FAM151A: variants seen among roughly 807,000 people sequenced by gnomAD.
FAM151A encodes the protein family with sequence similarity 151 member A.
FAM151A carries 41 observed loss-of-function variants against 40.4 expected under a neutral mutation model. The ratio of observed to expected loss-of-function variants is 1.01; its 90% CI spans 0.79 to 1.32. The LOEUF (loss-of-function observed/expected upper bound fraction) is 1.32, where lower values mean the gene tolerates loss of function less well. Among genes scored for constraint, FAM151A ranks in the 40% most tolerant of loss-of-function variants. FAM151A has a pLI of 0.00. For missense variants in FAM151A, 740 were observed against 740.4 expected, an observed-to-expected ratio of 1.00 and a Z score of 0.01; for synonymous variants, 337 against 312.5, an observed-to-expected ratio of 1.08 and a Z score of -0.83.
intron 1 of FAM151A, among the ~76,000 whole-genome samples, chr1:54,622,172 A>G (rs1644236101): frequency 1.4e-5 from 2 of 145,080 alleles, no homozygotes; most frequent in African/African-American, 5.1e-5. Flanking sequence ...GCTACTTGGG[A>G]GGCTGAGGTG....
intron 3 of FAM151A, among the ~76,000 whole-genome samples, chr1:54,615,094 G>A (rs77314204): frequency 6.6e-6 from 1 of 152,110 alleles, no homozygotes; most frequent in Non-Finnish European, 1.5e-5. Context: ...CATCTCCTGC[G>A]GGGAGGAAAC....
Position 54,609,319 on chromosome 1 carries a change from C to G in FAM151A, c.1707G>C (p.Arg569Ser), listed in dbSNP as rs1557667658. ...RAVDRTRVYYRLPQGYHKDLL... is the reference protein window; with the variant it reads ...RAVDRTRVYYSLPQGYHKDLL... ...AGTCCTTGTGGTAGCCCTGGGGTAGCCTGTAGTAGACTCGGGTCCTGTCCA... is the reference window on the plus strand; with the variant it reads ...AGTCCTTGTGGTAGCCCTGGGGTAGGCTGTAGTAGACTCGGGTCCTGTCCA... The change falls in exon 8 of 8, where the codon AGG becomes AGC. Residue 569 changes from arginine (R) to serine (S), a missense_variant. By Grantham distance (110) the Arg-to-Ser change is moderately radical. Coordinates refer to ENST00000302250, the MANE Select transcript of FAM151A (RefSeq NM_176782.3). The G allele has an allele frequency of 6.2e-7, 1 of 1,613,170 alleles. No individual in the cohort carries two copies.
chr1:54,612,991 C>A (rs1644135051), intron 4 of FAM151A, among the ~76,000 whole-genome samples: 1 of 128,694 alleles, frequency 7.8e-6, no homozygotes, highest in Non-Finnish European at 1.6e-5. Context: ...CTTAAACATC[C>A]TCATATAGAC....
At chr1:54,610,034 G>T in intron 7 of FAM151A, 93 bp from the exon 8 acceptor site, 1 of 1,473,602 alleles carries the variant, frequency 6.8e-7, no homozygotes, top group Non-Finnish European at 9.0e-7. Context: ...GAGTTATGGG[G>T]TCATCAAGGA....
chr1:54,619,908 T>C lies in FAM151A; in HGVS notation c.218A>G (p.Tyr73Cys), dbSNP rs762887417. The change falls in exon 2 of 8, where the codon TAC becomes TGC. Residue 73 changes from tyrosine (Y) to cysteine (C), a missense_variant. By Grantham distance (194) the Tyr-to-Cys change is radical. Coordinates refer to ENST00000302250, the MANE Select transcript of FAM151A (RefSeq NM_176782.3). The part of the protein sequence containing the change: ...SRRDALEVTW[Y>C]HAANSKKAMT... ...GGCTTTCTTGCTGTTGGCTGCGTGGTACCAGGTGACCTCCAAGGCATCTCG... is the reference window on the plus strand; with the variant it reads ...GGCTTTCTTGCTGTTGGCTGCGTGGCACCAGGTGACCTCCAAGGCATCTCG... The C allele has an allele frequency of 2.5e-6, 4 of 1,614,188 alleles. No homozygotes were observed. Among genetic ancestry groups the C allele is most frequent in the Admixed American group, 1.7e-5 (1 of 60,020 alleles).
chr1:54,617,055 G>C (rs1464721212), intron 2 of FAM151A, among the ~76,000 whole-genome samples: 1 of 152,202 alleles, frequency 6.6e-6, no homozygotes, highest in African/African-American at 2.4e-5. Flanking sequence ...CGGAAAAGTT[G>C]TTCTGATTCT....
chr1:54,614,750 G>A lies in FAM151A; in HGVS notation c.525C>T (p.Asp175=). Residue 175 remains aspartate (D), a synonymous_variant, in exon 4 of 8, where the codon GAC becomes GAT. Transcript: ENST00000302250. The stretch of plus-strand genomic sequence containing the variant: ...TGAGCATGTTGGGGCCCTTTAAGAT[G>A]TCAGCGTTGATCCATATGGGCCGCC... ...KVRRPIWINA[D]ILKGPNMLIS... The A allele has an allele frequency of 6.2e-7, 1 of 1,614,094 alleles. No individual in the cohort carries two copies. Among genetic ancestry groups the A allele is most frequent in the Non-Finnish European group, 8.5e-7 (1 of 1,179,996 alleles).
In FAM151A at chr1:54,612,537, A is replaced by G. The variant is rs368152719; in HGVS notation, c.749T>C (p.Met250Thr). 1.8e-4 allele frequency: 296 copies of G among 1,613,930 alleles called. No homozygotes were observed. Among genetic ancestry groups the G allele is most frequent in the Non-Finnish European group, 2.3e-4 (274 of 1,180,020 alleles). ...QRVTFPVRSSMVRAAWPHFSW... is the reference protein window; with the variant it reads ...QRVTFPVRSSTVRAAWPHFSW... ...GAAGTGGGGCCAGGCAGCCCGCACC[A>G]TGGAAGACCGTACAGGGAAGGTGAC... Residue 250 changes from methionine to threonine, a missense_variant, in exon 5 of 8, where the codon ATG becomes ACG. Coordinates refer to ENST00000302250, the MANE Select transcript of FAM151A (RefSeq NM_176782.3).
chr1:54,617,875 C>G (rs1644190308), intron 2 of FAM151A, among the ~76,000 whole-genome samples: 1 of 151,684 alleles, frequency 6.6e-6, no homozygotes. Context: ...AGGTATGCAC[C>G]ACCACCATGC....
chr1:54,616,400 A>G (rs535626794), intron 2 of FAM151A, among the ~76,000 whole-genome samples: 8 of 150,248 alleles, frequency 5.3e-5, no homozygotes, highest in Middle Eastern at 3.4e-3. Context: ...GTCTTGCTCT[A>G]TCGCCCAGGC....
intron 3 of FAM151A, 101 bp downstream of exon 3, chr1:54,615,919 C>T (rs1644167868): frequency 6.4e-6 from 8 of 1,243,130 alleles, no homozygotes; most frequent in Admixed American, 2.0e-5. Flanking sequence ...ATGAGCACCT[C>T]GTGTCAGGGC....
intron 1 of FAM151A, among the ~76,000 whole-genome samples, chr1:54,621,976 A>G (rs1363669145): frequency 6.6e-6 from 1 of 152,002 alleles, no homozygotes; most frequent in Non-Finnish European, 1.5e-5. Context: ...GTGAAGTAGT[A>G]AAAAAAGTTA....
chr1:54,609,268 T>C lies in FAM151A; in HGVS notation c.1758A>G (p.Ter586TrpextTer?). The change falls in exon 8 of 8, where the codon TGA (stop) becomes TGG (tryptophan). Residue 586 changes from the stop codon to tryptophan (W), a stop_lost. Transcript: ENST00000302250. ...KDLLAHVGRN[*>W] ...CCGCTGGCCCACCACCCCTGGGTGC[T>C]CAGTTTCTACCAACATGAGCCAGCA... The C allele has an allele frequency of 6.2e-7, 1 of 1,601,680 alleles. No individual in the cohort carries two copies. The highest frequency in any genetic ancestry group is 8.5e-7 in the Non-Finnish European group (1 of 1,171,628).
rs1329821640 is a variant in FAM151A at position 54,609,858 on chromosome 1, C to T, written c.1168G>A (p.Gly390Ser). Residue 390 changes from glycine (G) to serine (S), a missense_variant, in exon 8 of 8, where the codon GGC (glycine) becomes AGC (serine). By Grantham distance (56) the Gly-to-Ser change is moderately conservative. Transcript: ENST00000302250. The part of the protein sequence containing the change: ...NPVPIVHTPS[G>S]NILTLESCLQ... ...CAGGACTCCAGCGTCAGGATGTTGC[C>T]ACTTGGAGTATGAACAATGGGCACG... The T allele has an allele frequency of 1.9e-6, 3 of 1,613,914 alleles. No individual in the cohort carries two copies. Among genetic ancestry groups the T allele is most frequent in the Non-Finnish European group, 2.5e-6 (3 of 1,180,036 alleles).
rs1364814066 is a variant in FAM151A at position 54,623,391 on chromosome 1, A to T, written c.5T>A (p.Val2Asp). M[V>D]CREQLSKNQV... ...ATTCTTTGATAACTGCTCCCTGCAG[A>T]CCATGGCGACGCTCTCTGGGGAATG... Residue 2 changes from valine to aspartate, a missense_variant, in exon 1 of 8, where the codon GTC becomes GAC. Transcript: ENST00000302250. 1.9e-6 allele frequency: 3 copies of T among 1,612,808 alleles called. No homozygotes were observed. The South Asian group carries it at 3.3e-5, about 18-fold the overall frequency.
Position 54,623,353 on chromosome 1 carries a change from C to G in FAM151A, c.43G>C (p.Val15Leu). The change falls in exon 1 of 8, where the codon GTG becomes CTG. Residue 15 changes from valine to leucine, a missense_variant. Coordinates refer to ENST00000302250, the MANE Select transcript of FAM151A (RefSeq NM_176782.3). ...EQLSKNQVKW[V>L]FAGITCVSVV... ...GACACACAGGTAATGCCGGCAAACACCCACTTGACCTGATTCTTTGATAAC... is the reference window on the plus strand; with the variant it reads ...GACACACAGGTAATGCCGGCAAACAGCCACTTGACCTGATTCTTTGATAAC... The G allele has an allele frequency of 6.2e-7, 1 of 1,613,970 alleles. No homozygotes were observed. The highest frequency in any genetic ancestry group is 1.1e-5 in the South Asian group (1 of 91,052).
Position 54,623,505 on chromosome 1 carries a change from C to T in FAM151A, c.-110G>A, listed in dbSNP as rs536370692. On this transcript the variant is annotated 5_prime_UTR_variant, in exon 1 of 8. Coordinates refer to ENST00000302250, the MANE Select transcript of FAM151A (RefSeq NM_176782.3). ...GGAGCTCCCAGCAGCACCTAATTCT[C>T]CACCGGGCCTGGTCTGCTCTGCAGC... is the stretch of plus-strand genomic sequence containing the variant. 7.6e-6 allele frequency: 6 copies of T among 792,328 alleles called. No homozygotes were observed. Among genetic ancestry groups the T allele is most frequent in the South Asian group, 4.6e-5 (3 of 64,982 alleles). The allele number at this position is 792,328 out of a possible 1,614,324, so 49.1% of individuals were successfully genotyped here. A position where few individuals can be genotyped will look rare whatever the true frequency, so the allele number is the denominator to read the frequency against.
chr1:54,613,718 CT>C (rs1644142435), intron 4 of FAM151A, among the ~76,000 whole-genome samples: 1 of 152,218 alleles, frequency 6.6e-6, no homozygotes, highest in Admixed American at 6.5e-5. Context: ...AAAAACCCTA[CT>C]GAGTAAAATT....
At chr1:54,622,250 T>C (rs1400928371) in intron 1 of FAM151A, among the ~76,000 whole-genome samples, 8 of 119,364 alleles carry the variant, frequency 6.7e-5, no homozygotes, top group Non-Finnish European at 1.1e-4. Context: ...CACTCTAGGC[T>C]GAGTGACAGA....
Sources: allele counts gnomAD v4.1 joint callset (sites outside exome capture counted in the v4.1 genomes callset), GRCh38; gene constraint gnomAD v4.1.1; transcripts MANE v1.5; gene names NCBI Gene and HGNC (gene_info 2026-07-23, HGNC 2026-07-21).